Variants in CMIP observed in about 807,000 individuals in gnomAD.
CMIP encodes the protein C-Maf-inducing protein.
A neutral mutation model predicts 97.3 loss-of-function variants in CMIP; 13 were observed. The observed-to-expected ratio is 0.13, with a 90% CI of 0.09 to 0.21. The LOEUF (loss-of-function observed/expected upper bound fraction) is 0.21, where lower values mean the gene tolerates loss of function less well. Ranked by LOEUF, CMIP falls within the 10% of genes least tolerant of loss-of-function variation. The probability of loss-of-function intolerance (pLI) is 1.00; values close to 1 mark genes in which losing one functional copy is unlikely to be tolerated. For missense variants in CMIP, 847 were observed against 1,024.9 expected, an observed-to-expected ratio of 0.83 and a Z score of 2.37; for synonymous variants, 538 against 436.3, an observed-to-expected ratio of 1.23 and a Z score of -2.91.
intron 1 of CMIP, among the ~76,000 whole-genome samples, chr16:81,547,155 G>A (rs1341462683): frequency 6.6e-6 from 1 of 152,218 alleles, no homozygotes; most frequent in Non-Finnish European, 1.5e-5. Context: ...AAGTGAGGAG[G>A]ATCTGGGGCA....
intron 1 of CMIP, among the ~76,000 whole-genome samples, chr16:81,535,919 T>G (rs550001139): frequency 6.6e-6 from 1 of 152,204 alleles, no homozygotes; most frequent in Non-Finnish European, 1.5e-5. Flanking sequence ...TTGTCCACGC[T>G]GACTTCAAGG....
At chr16:81,549,393 A>C (rs1567573178) in intron 1 of CMIP, among the ~76,000 whole-genome samples, 1 of 152,124 alleles carries the variant, frequency 6.6e-6, no homozygotes, top group Non-Finnish European at 1.5e-5. Flanking sequence ...TTTGTCACCC[A>C]TGAGGTCAGG....
intron 8 of CMIP, among the ~76,000 whole-genome samples, chr16:81,670,682 G>A (rs2092675370): frequency 1.3e-5 from 2 of 150,282 alleles, no homozygotes; most frequent in Admixed American, 6.7e-5. Flanking sequence ...CGGTGCTCCA[G>A]TTTCCTCATC....
intron 5 of CMIP, among the ~76,000 whole-genome samples, chr16:81,660,366 A>T (rs1404631197): frequency 6.6e-6 from 1 of 151,502 alleles, no homozygotes; most frequent in East Asian, 1.9e-4. Flanking sequence ...TCCGCCTCCT[A>T]AGTTCAAGTG....
chr16:81,685,956 A>G (rs1025535418), intron 10 of CMIP, among the ~76,000 whole-genome samples: 1 of 152,166 alleles, frequency 6.6e-6, no homozygotes, highest in Non-Finnish European at 1.5e-5. Flanking sequence ...AGGGTGGAGC[A>G]CAGACACTGG....
chr16:81,660,111 G>C (rs947650288), intron 5 of CMIP, among the ~76,000 whole-genome samples: 16 of 151,964 alleles, frequency 1.1e-4, no homozygotes, highest in African/African-American at 3.6e-4. Context: ...CCCCAGCTGT[G>C]GTCCGGCTCA....
intron 4 of CMIP, among the ~76,000 whole-genome samples, chr16:81,657,404 T>A (rs891492683): frequency 5.3e-5 from 8 of 152,218 alleles, no homozygotes; most frequent in African/African-American, 1.9e-4. Context: ...ACCTGCCTTC[T>A]GGCTTCTAAG....
intron 2 of CMIP, among the ~76,000 whole-genome samples, chr16:81,611,010 A>G (rs1051265646): frequency 6.6e-6 from 1 of 152,158 alleles, no homozygotes; most frequent in Non-Finnish European, 1.5e-5. Context: ...GCATTACCTT[A>G]GTGCTCCTAG....
At chr16:81,459,336 G>A (rs1240894235) in intron 1 of CMIP, among the ~76,000 whole-genome samples, 1 of 152,190 alleles carries the variant, frequency 6.6e-6, no homozygotes, top group Admixed American at 6.5e-5. Context: ...CTTCTTGGGT[G>A]TGCCCGTGGC....
intron 1 of CMIP, among the ~76,000 whole-genome samples, chr16:81,575,326 C>T (rs777184656): frequency 6.6e-6 from 1 of 152,154 alleles, no homozygotes; most frequent in Non-Finnish European, 1.5e-5. Context: ...TAGAAGTGGA[C>T]GTGGACTGAA....
At chr16:81,605,181 G>A (rs1375997931) in intron 1 of CMIP, among the ~76,000 whole-genome samples, 1 of 152,208 alleles carries the variant, frequency 6.6e-6, no homozygotes, top group Non-Finnish European at 1.5e-5. Flanking sequence ...ACAGAACAGT[G>A]CACGGGATGC....
intron 3 of CMIP, among the ~76,000 whole-genome samples, chr16:81,638,985 G>A (rs536213786): frequency 6.6e-6 from 1 of 152,294 alleles, no homozygotes; most frequent in Admixed American, 6.5e-5. Context: ...GCCCCCGCCG[G>A]GATTAGGACC....
intron 1 of CMIP, among the ~76,000 whole-genome samples, chr16:81,490,067 G>T (rs539946393): frequency 1.8e-4 from 28 of 152,320 alleles, no homozygotes; most frequent in African/African-American, 6.7e-4. Context: ...CTGTGGACAC[G>T]CCTGCACGCC....
At chr16:81,458,451 G>T (rs1166839467) in intron 1 of CMIP, among the ~76,000 whole-genome samples, 1 of 152,166 alleles carries the variant, frequency 6.6e-6, no homozygotes, top group African/African-American at 2.4e-5. Flanking sequence ...CCCTGGCTGG[G>T]GGCATGACTA....
At chr16:81,656,219 C>T (rs148949471) in intron 4 of CMIP, among the ~76,000 whole-genome samples, 23 of 152,290 alleles carry the variant, frequency 1.5e-4, no homozygotes, top group Admixed American at 5.9e-4. Context: ...CCGCAGCCCT[C>T]GGGAGCCAGC....
At chr16:81,450,807 A>G (rs931046035) in intron 1 of CMIP, among the ~76,000 whole-genome samples, 1 of 152,242 alleles carries the variant, frequency 6.6e-6, no homozygotes, top group African/African-American at 2.4e-5. Context: ...GGTAGATTTG[A>G]TTAGTATAAC....
At chr16:81,484,052 G>C (rs1384967513) in intron 1 of CMIP, among the ~76,000 whole-genome samples, 1 of 152,102 alleles carries the variant, frequency 6.6e-6, no homozygotes, top group Non-Finnish European at 1.5e-5. Flanking sequence ...TGTGTCTTGG[G>C]GTTTCTGCGA....
At chr16:81,484,218 C>G (rs1263764302) in intron 1 of CMIP, among the ~76,000 whole-genome samples, 1 of 152,154 alleles carries the variant, frequency 6.6e-6, no homozygotes, top group African/African-American at 2.4e-5. Context: ...CTCGCCCGTT[C>G]CCATTCCTTC....
intron 1 of CMIP, among the ~76,000 whole-genome samples, chr16:81,589,906 T>C (rs893808309): frequency 5.3e-5 from 8 of 152,224 alleles, no homozygotes; most frequent in African/African-American, 1.7e-4. Flanking sequence ...GCGTGTGTAA[T>C]GATAGGCCGG....
Sources: gnomAD v4.1 joint callset for allele counts (sites outside exome capture counted in the v4.1 genomes callset) on GRCh38, gnomAD v4.1.1 for gene constraint, MANE v1.5 for transcripts, NCBI Gene and HGNC (gene_info 2026-07-23, HGNC 2026-07-21) for gene names.